The following QPRT variants were observed in gnomAD, a reference collection of about 807,000 sequenced individuals.
QPRT encodes the protein quinolinate phosphoribosyltransferase.
QPRT carries 17 observed loss-of-function variants against 19.8 expected under a neutral mutation model. The observed-to-expected ratio is 0.86, with a 90% CI of 0.59 to 1.29. The LOEUF (loss-of-function observed/expected upper bound fraction) is 1.29. QPRT is among the 50% of genes most tolerant of loss of function. QPRT has a pLI of 0.00. For synonymous variants in QPRT, 178 were observed against 191.0 expected, an observed-to-expected ratio of 0.93 and a Z score of 0.56; for missense variants, 336 against 405.1, an observed-to-expected ratio of 0.83 and a Z score of 1.46.
intron 1 of QPRT, among the ~76,000 whole-genome samples, chr16:29,680,906 A>C (rs1212237989): frequency 1.3e-5 from 2 of 152,068 alleles, no homozygotes; most frequent in East Asian, 3.9e-4. Context: ...AGGCCTCAGC[A>C]CTCCAGCCTG....
chr16:29,687,795 A>G (rs975127204), intron 1 of QPRT, among the ~76,000 whole-genome samples: 4 of 150,072 alleles, frequency 2.7e-5, no homozygotes, highest in East Asian at 2.0e-4. Flanking sequence ...AAAGAAAAAA[A>G]TGTTTAAAAG....
At chr16:29,690,544 C>T (rs1170017705) in intron 1 of QPRT, among the ~76,000 whole-genome samples, 1 of 124,268 alleles carries the variant, frequency 8.0e-6, no homozygotes, top group Non-Finnish European at 1.8e-5. Context: ...CTCCCACTCC[C>T]CAGGCAATGC....
At chr16:29,694,581 C>T in intron 1 of QPRT, 83 bp from the exon 2 acceptor site, 1 of 1,369,934 alleles carries the variant, frequency 7.3e-7, no homozygotes, top group Non-Finnish European at 9.7e-7. Flanking sequence ...TTCCCAGTTT[C>T]ACTGGTTGTT....
intron 1 of QPRT, 37 bp downstream of exon 1, chr16:29,679,247 A>G (rs1596782241): frequency 2.6e-6 from 4 of 1,537,534 alleles, no homozygotes; most frequent in Non-Finnish European, 3.6e-6. Flanking sequence ...CCCTGCACCC[A>G]TCCCCCCACT....
At chr16:29,691,097 G>A (rs1356372726) in intron 1 of QPRT, among the ~76,000 whole-genome samples, 1 of 151,436 alleles carries the variant, frequency 6.6e-6, no homozygotes, top group African/African-American at 2.4e-5. Context: ...AGGCACGGTG[G>A]CTCACGCCTG....
Position 29,697,780 on chromosome 16 carries a change from G to GT in QPRT, c.*372dup. 1 of 181,196 alleles carries GT rather than the reference G, an allele frequency of 5.5e-6. No individual in the cohort carries two copies. Among genetic ancestry groups the GT allele is most frequent in the Non-Finnish European group, 1.1e-5 (1 of 87,466 alleles). The allele number at this position is 181,196 out of a possible 1,614,324, so 11.2% of individuals were successfully genotyped here. ...GCGGGAAGATCACTTGAGTTCAGGA[G>GT]TTTGAGACCAGCCTGGCCAACATGG... On this transcript the variant is annotated 3_prime_UTR_variant, in exon 4 of 4. Transcript: ENST00000395384. This position sits in a 1 kb window ranked among gnomAD's most constrained non-coding sequence, Gnocchi z 4.4.
chr16:29,683,916 C>T lies in QPRT; in HGVS notation c.13+4706C>T, dbSNP rs192717961. ...ACTTCCCTACCTCCCGTGCGCTCCT[C>T]GAGCATGACAATGTGGCTTCTGCCC... On this transcript the variant is annotated intron_variant, in intron 1 of 3. Transcript: ENST00000395384. 9.9e-4 allele frequency among the ~76,000 whole-genome samples: 150 copies of T among 152,272 alleles called. No individual in the cohort carries two copies. In the Middle Eastern group the frequency reaches 0.017, roughly 17 times the overall value.
intron 1 of QPRT, among the ~76,000 whole-genome samples, chr16:29,687,567 T>C (rs936376938): frequency 2.0e-5 from 3 of 152,062 alleles, no homozygotes; most frequent in Non-Finnish European, 4.4e-5. Flanking sequence ...CGTGCTGTTA[T>C]AAAATACAGA....
At position 29,697,515 on chromosome 16, in the gene QPRT, C is replaced by T. The variant is rs1453231081; in HGVS notation, c.*104C>T. 6 of 1,246,602 alleles carry T rather than the reference C, an allele frequency of 4.8e-6. No homozygotes were observed. The highest frequency in any genetic ancestry group is 6.6e-6 in the Non-Finnish European group (6 of 908,532). The allele number at this position is 1,246,602 out of a possible 1,614,324, so 77.2% of individuals were successfully genotyped here. A position where few individuals can be genotyped will look rare whatever the true frequency, so the allele number is the denominator to read the frequency against. The stretch of plus-strand genomic sequence containing the variant: ...TCAGTGGCCAATGGGGCACATTTGG[C>T]ACTAGCTTGAGCCCAACTCTGGCTC... On this transcript the variant is annotated 3_prime_UTR_variant, in exon 4 of 4. Coordinates refer to ENST00000395384, the MANE Select transcript of QPRT (RefSeq NM_014298.6). This position sits in a 1 kb window ranked among gnomAD's most constrained non-coding sequence, Gnocchi z 4.4.
At chr16:29,679,389 C>T (rs992535892) in intron 1 of QPRT, among the ~76,000 whole-genome samples, 179 bp downstream of exon 1, 11 of 152,098 alleles carry the variant, frequency 7.2e-5, no homozygotes, top group African/African-American at 2.4e-4. Context: ...CCCCAGAGGC[C>T]CCTTCTCACT....
At chr16:29,679,029 A>G, upstream of QPRT, 1 of 1,150,934 alleles carries the variant, frequency 8.7e-7, no homozygotes, top group South Asian at 1.4e-5. Flanking sequence ...CCTGCTGAGG[A>G]ATCTGCAGGC....
chr16:29,691,233 C>T (rs998052759), intron 1 of QPRT, among the ~76,000 whole-genome samples: 5 of 151,110 alleles, frequency 3.3e-5, no homozygotes, highest in East Asian at 2.0e-4. Flanking sequence ...GGCGTGGTGG[C>T]GGGCACCTGT....
At chr16:29,696,651 C>T (rs930568846) in intron 2 of QPRT, 8 of 181,194 alleles carry the variant, frequency 4.4e-5, no homozygotes, top group South Asian at 1.3e-4. Context: ...CATGGTGGCA[C>T]GCACCTGTAG....
chr16:29,685,540 T>C (rs1219165690), intron 1 of QPRT, among the ~76,000 whole-genome samples: 1 of 152,156 alleles, frequency 6.6e-6, no homozygotes, highest in Non-Finnish European at 1.5e-5. Context: ...CCTCCTGCCT[T>C]GGCCTCCCAT....
chr16:29,682,596 TCTTGAA>T (rs1281799214), intron 1 of QPRT, among the ~76,000 whole-genome samples: 1 of 152,064 alleles, frequency 6.6e-6, no homozygotes, highest in African/African-American at 2.4e-5. Context: ...GCCAGGCTGG[TCTTGAA>T]CTCCTCACCT....
At chr16:29,686,021 C>T (rs551769221) in intron 1 of QPRT, among the ~76,000 whole-genome samples, 3 of 151,936 alleles carry the variant, frequency 2.0e-5, no homozygotes, top group South Asian at 2.1e-4. Flanking sequence ...CCACCATGCC[C>T]GGCTAATTTT....
At chr16:29,694,253 G>A (rs928713665) in intron 1 of QPRT, among the ~76,000 whole-genome samples, 2 of 151,824 alleles carry the variant, frequency 1.3e-5, no homozygotes, top group Non-Finnish European at 2.9e-5. Context: ...GGAGTCGCTG[G>A]GACTACAGGC....
At position 29,689,265 on chromosome 16, in the gene QPRT, T is replaced by C. The variant is rs1433332510; in HGVS notation, c.14-5399T>C. The stretch of plus-strand genomic sequence containing the variant: ...GCCTGCCACCACAGCTGGTTAATTT[T>C]TGTGTTTTTAGTAGAGATGAGGTTT... On this transcript the variant is annotated intron_variant, in intron 1 of 3. Coordinates refer to ENST00000395384, the MANE Select transcript of QPRT (RefSeq NM_014298.6). Among the ~76,000 whole-genome samples the C allele has an allele frequency of 4.5e-4, 68 of 151,954 alleles. 2 individuals are homozygous for C. Among genetic ancestry groups the C allele is most frequent in the Non-Finnish European group, 2.9e-5 (2 of 67,990 alleles).
intron 1 of QPRT, among the ~76,000 whole-genome samples, chr16:29,690,864 AT>A (rs1967305723): frequency 6.6e-6 from 1 of 151,344 alleles, no homozygotes; most frequent in East Asian, 2.0e-4. Flanking sequence ...TAGTTTTTGT[AT>A]TTTTTCGTAG....
Sources: gnomAD v4.1 joint callset for allele counts (sites outside exome capture counted in the v4.1 genomes callset) on GRCh38, gnomAD v4.1.1 for gene constraint, Gnocchi (gnomAD v3.1) non-coding constraint, MANE v1.5 for transcripts, NCBI Gene and HGNC (gene_info 2026-07-23, HGNC 2026-07-21) for gene names.